The following CCDC125 variants were observed in gnomAD, a reference collection of about 807,000 sequenced individuals.
CCDC125 encodes the protein coiled-coil domain containing 125.
CCDC125 carries 43 observed loss-of-function variants against 57.4 expected under a neutral mutation model. That is an observed-to-expected ratio of 0.75 (90% confidence interval 0.59 to 0.97). CCDC125 has a LOEUF of 0.97. CCDC125 is among the 50% of genes least tolerant of loss of function. The pLI, the probability that CCDC125 is intolerant of heterozygous loss-of-function variation, is 0.00. For synonymous variants in CCDC125, 187 were observed against 195.2 expected, an observed-to-expected ratio of 0.96 and a Z score of 0.35; for missense variants, 563 against 595.7, an observed-to-expected ratio of 0.95 and a Z score of 0.57.
rs1757607419 is a variant in CCDC125 at position 69,308,018 on chromosome 5, C to T, written c.464G>A (p.Gly155Asp). 1 of 1,612,588 alleles carries T rather than the reference C, an allele frequency of 6.2e-7. No individual in the cohort carries two copies. Among genetic ancestry groups the T allele is most frequent in the Non-Finnish European group, 8.5e-7 (1 of 1,178,722 alleles). The stretch of plus-strand genomic sequence containing the variant: ...TGCCTGCGTATGACTTGTGGCTTTG[C>T]CCAGTATTGCCTAAGAAAAATAAAA... ...LKILQSMAIL[G>D]KATSHTQAVL... Residue 155 changes from glycine to aspartate, a missense_variant, in exon 5 of 12, where the codon GGC becomes GAC. By Grantham distance (94) the Gly-to-Asp change is moderately conservative. Transcript: ENST00000396496.
intron 10 of CCDC125, 150 bp from the exon 11 acceptor site, chr5:69,285,617 G>T: frequency 1.3e-6 from 1 of 754,898 alleles, no homozygotes. Flanking sequence ...AGAGCCAGGA[G>T]CAATGCAGGT....
the CCDC125 span, among the ~76,000 whole-genome samples, chr5:69,275,053 G>A: frequency 2.1e-5 from 3 of 145,116 alleles, no homozygotes; most frequent in East Asian, 4.0e-4. Context: ...AACAGGGTGA[G>A]ACTCTGTATC....
downstream of CCDC125, chr5:69,276,998 C>A: frequency 1.1e-6 from 1 of 917,306 alleles, no homozygotes; most frequent in South Asian, 1.7e-5. Context: ...AAAAATGTGT[C>A]AGTGAAATAA....
In CCDC125 at chr5:69,300,102, G is replaced by C. The variant is rs1756137009; in HGVS notation, c.726C>G (p.Ala242=). The C allele has an allele frequency of 6.2e-7, 1 of 1,613,916 alleles. No homozygotes were observed. The part of the protein sequence containing the change: ...NAVLNQRYLE[A]LAMLDIKQQK... ...GCTGTTTGATATCAAGCATGGCGAG[G>C]GCCTCCAAATACCGTTGATTCAAAA... The change falls in exon 8 of 12, where the codon GCC becomes GCG. Residue 242 remains alanine, a synonymous_variant. Coordinates refer to ENST00000396496, the MANE Select transcript of CCDC125 (RefSeq NM_176816.5).
At chr5:69,286,187 A>AATATATATAT (rs1561402049) in intron 10 of CCDC125, among the ~76,000 whole-genome samples, 1 of 53,962 alleles carries the variant, frequency 1.9e-5, no homozygotes, top group Admixed American at 2.3e-4. Flanking sequence ...CAAATGGTAA[A>AATATATATAT]CTATATATAT....
Position 69,282,742 on chromosome 5 carries a change from C to T in CCDC125, c.1523G>A (p.Ser508Asn), listed in dbSNP as rs559271914. The T allele has an allele frequency of 1.3e-6, 2 of 1,590,090 alleles. No individual in the cohort carries two copies. The highest frequency in any genetic ancestry group is 3.6e-5 in the Admixed American group (2 of 55,022). Reference sequence around the variant, plus strand: ...ACTGGCTTGTCTTTAAAATATGATACTTGATGGCAAAGAATGGGATCTTTT... The same window carrying T: ...ACTGGCTTGTCTTTAAAATATGATATTTGATGGCAAAGAATGGGATCTTTT... ...TLKRSHSLPS[S>N]IIF Residue 508 changes from serine to asparagine, a missense_variant, in exon 12 of 12, where the codon AGT becomes AAT. Physicochemically the swap from Ser to Asn is conservative, Grantham distance 46. Transcript: ENST00000396496.
intron 2 of CCDC125, among the ~76,000 whole-genome samples, chr5:69,315,165 A>C (rs1030223866): frequency 1.6e-4 from 24 of 151,808 alleles, no homozygotes; most frequent in Non-Finnish European, 2.9e-5. Flanking sequence ...CTGAGGCAGG[A>C]GAATTGCTTG....
chr5:69,297,735 A>G (rs1022346368), intron 8 of CCDC125, among the ~76,000 whole-genome samples: 4 of 151,110 alleles, frequency 2.6e-5, no homozygotes, highest in Admixed American at 2.6e-4. Flanking sequence ...AGGCTGAGGC[A>G]GGCAGATAGC....
the CCDC125 span, among the ~76,000 whole-genome samples, chr5:69,273,620 T>TGTTAAAAGGAAATGAAAATGTTAAAAGGA: frequency 1.3e-5 from 2 of 152,084 alleles, no homozygotes; most frequent in African/African-American, 4.8e-5. Flanking sequence ...AATAACAAAC[T>TGTTAAAAGGAAATGAAAATGTTAAAAGGA]CATGAAAAAT....
chr5:69,325,612 T>A (rs1454095455), intron 1 of CCDC125, among the ~76,000 whole-genome samples: 1 of 149,788 alleles, frequency 6.7e-6, no homozygotes, highest in Non-Finnish European at 1.5e-5. Flanking sequence ...GATCACGAGG[T>A]CAAGAGTTTA....
intron 1 of CCDC125, among the ~76,000 whole-genome samples, chr5:69,322,319 T>C (rs973587105): frequency 6.6e-6 from 1 of 152,076 alleles, no homozygotes; most frequent in Non-Finnish European, 1.5e-5. Context: ...AATAAATACT[T>C]GTTTAGTAAC....
intron 1 of CCDC125, among the ~76,000 whole-genome samples, chr5:69,322,185 A>G (rs1032596342): frequency 2.7e-5 from 4 of 150,864 alleles, no homozygotes; most frequent in African/African-American, 9.7e-5. Flanking sequence ...AGGTCTAACC[A>G]TGTTGCCCAG....
At chr5:69,277,075 C>CTTT, downstream of CCDC125, 1 of 1,437,740 alleles carries the variant, frequency 7.0e-7, no homozygotes, top group Non-Finnish European at 9.4e-7. Context: ...ATGTGAACAA[C>CTTT]TTTTTTTTTT....
At chr5:69,288,786 T>TA (rs1579974736) in intron 10 of CCDC125, among the ~76,000 whole-genome samples, 1 of 152,090 alleles carries the variant, frequency 6.6e-6, no homozygotes, top group African/African-American at 2.4e-5. Flanking sequence ...GCCTTTAACT[T>TA]ATGGGATCTG....
chr5:69,285,506 T>C (rs1753192153), intron 10 of CCDC125, 39 bp from the exon 11 acceptor site: 1 of 1,573,222 alleles, frequency 6.4e-7, no homozygotes, highest in Non-Finnish European at 8.6e-7. Flanking sequence ...GACATTAAAA[T>C]ATCCTCACTG....
rs765940195 is a variant in CCDC125 at position 69,320,549 on chromosome 5, T to C, written c.-9A>G. On this transcript the variant is annotated 5_prime_UTR_variant, in exon 2 of 12. Coordinates refer to ENST00000396496, the MANE Select transcript of CCDC125 (RefSeq NM_176816.5). ...CTTGCCACCTTGCTCATGAGCCAAA[T>C]GCCGTCTTTATCATAAGAAAAAATG... is the stretch of plus-strand genomic sequence containing the variant. The C allele has an allele frequency of 1.3e-5, 20 of 1,592,268 alleles. No individual in the cohort carries two copies. The highest frequency in any genetic ancestry group is 1.7e-5 in the Non-Finnish European group (20 of 1,169,176).
In CCDC125 at chr5:69,285,434, C is replaced by T; in HGVS notation, c.1133G>A (p.Gly378Glu). The T allele has an allele frequency of 6.2e-7, 1 of 1,606,932 alleles. No individual in the cohort carries two copies. Among genetic ancestry groups the T allele is most frequent in the Non-Finnish European group, 8.5e-7 (1 of 1,177,828 alleles). Residue 378 changes from glycine (G) to glutamate (E), a missense_variant, in exon 11 of 12, where the codon GGG becomes GAG. Coordinates refer to ENST00000396496, the MANE Select transcript of CCDC125 (RefSeq NM_176816.5). ...AGGGAGCATACCCAACAGTCTCTGCCCGAAGGTCTTCTTACTCCTTGGTGA... is the reference window on the plus strand; with the variant it reads ...AGGGAGCATACCCAACAGTCTCTGCTCGAAGGTCTTCTTACTCCTTGGTGA... ...FPSPRSKKTF[G>E]QRLLGMLPSE...
rs200469912 is a variant in CCDC125 at position 69,311,229 on chromosome 5, T to C, written c.367-25A>G. The C allele has an allele frequency of 1.5e-5, 21 of 1,426,472 alleles. No homozygotes were observed. In the African/African-American group the frequency reaches 2.4e-4, roughly 16 times the overall value. 88.4% of individuals were successfully genotyped at this position (1,426,472 alleles called of 1,614,324 possible). A position where few individuals can be genotyped will look rare whatever the true frequency, so the allele number is the denominator to read the frequency against. On this transcript the variant is annotated intron_variant, in intron 3 of 11. Coordinates refer to ENST00000396496, the MANE Select transcript of CCDC125 (RefSeq NM_176816.5). ...CCTGAGGACAGAAAGAAAATTAGTCTTCCTATCTGCAAGATATGCAACCCT... is the reference window on the plus strand; with the variant it reads ...CCTGAGGACAGAAAGAAAATTAGTCCTCCTATCTGCAAGATATGCAACCCT...
At chr5:69,291,282 C>T (rs28693971) in intron 10 of CCDC125, among the ~76,000 whole-genome samples, 77,717 of 151,900 alleles carry the variant, frequency 0.51, 20,271 homozygotes, top group Middle Eastern at 0.56. Flanking sequence ...CTACTTTGTT[C>T]ATACTGGAAG....
Sources: gnomAD v4.1 joint callset for allele counts (sites outside exome capture counted in the v4.1 genomes callset) on GRCh38, gnomAD v4.1.1 for gene constraint, MANE v1.5 for transcripts, NCBI Gene and HGNC (gene_info 2026-07-23, HGNC 2026-07-21) for gene names.